DCP1A: variants seen among roughly 807,000 people sequenced by gnomAD.
DCP1A encodes the protein decapping mRNA 1A, also known as mRNA-decapping enzyme 1A.
Under a neutral mutation model 58.0 loss-of-function variants are expected in DCP1A, and 20 were observed. The observed-to-expected ratio is 0.34, with a 90% CI of 0.24 to 0.50. The LOEUF (loss-of-function observed/expected upper bound fraction) is 0.50, where lower values mean the gene tolerates loss of function less well. DCP1A is among the 20% of genes least tolerant of loss of function. The pLI, the probability that DCP1A is intolerant of heterozygous loss-of-function variation, is 0.98. For missense variants in DCP1A, 613 were observed against 712.2 expected, an observed-to-expected ratio of 0.86 and a Z score of 1.59; for synonymous variants, 285 against 275.1, an observed-to-expected ratio of 1.04 and a Z score of -0.36.
intron 3 of DCP1A, 87 bp from the exon 4 acceptor site, chr3:53,319,560 T>C: frequency 2.5e-6 from 2 of 788,990 alleles, no homozygotes; most frequent in Non-Finnish European, 2.1e-6. Context: ...ATCATGGAAT[T>C]CACTAAATGT....
chr3:53,346,624 T>C (rs1245927079), intron 1 of DCP1A, among the ~76,000 whole-genome samples: 1 of 152,196 alleles, frequency 6.6e-6, no homozygotes, highest in African/African-American at 2.4e-5. Flanking sequence ...CAAGAATCAG[T>C]GAACACACTG....
intron 7 of DCP1A, among the ~76,000 whole-genome samples, 167 bp downstream of exon 7, chr3:53,291,902 G>T (rs1245589071): frequency 1.3e-5 from 2 of 152,198 alleles, no homozygotes; most frequent in African/African-American, 4.8e-5. Flanking sequence ...TTACTTGGTT[G>T]TTCATGATAG....
At chr3:53,330,984 A>C (rs1370141594) in intron 3 of DCP1A, among the ~76,000 whole-genome samples, 2 of 151,134 alleles carry the variant, frequency 1.3e-5, no homozygotes, top group Non-Finnish European at 2.9e-5. Context: ...TCAGCCTCCT[A>C]AGTAGCTGGG....
At chr3:53,298,075 G>A (rs1707187515) in intron 6 of DCP1A, among the ~76,000 whole-genome samples, 1 of 152,284 alleles carries the variant, frequency 6.6e-6, no homozygotes, top group Middle Eastern at 3.4e-3. Context: ...AAAATTAGCT[G>A]CACAAGGTGG....
chr3:53,320,019 T>G (rs906408311), intron 3 of DCP1A, among the ~76,000 whole-genome samples: 2 of 151,926 alleles, frequency 1.3e-5, no homozygotes, highest in Non-Finnish European at 2.9e-5. Context: ...TCCCAGCTAC[T>G]TGGGAGGCTG....
intron 6 of DCP1A, among the ~76,000 whole-genome samples, chr3:53,303,558 G>C (rs1553687634): frequency 6.6e-6 from 1 of 152,190 alleles, no homozygotes; most frequent in African/African-American, 2.4e-5. Context: ...GAGCCACTGT[G>C]CCTAGCCAAG....
chr3:53,292,384 C>A lies in DCP1A; in HGVS notation c.1068G>T (p.Leu356=). Reference sequence around the variant, plus strand: ...GGCTTAGCTCAGGGACTGGCTGGTTCAGGAGTGGAGACCTCTGTCTAGGCG... The same window carrying A: ...GGCTTAGCTCAGGGACTGGCTGGTTAAGGAGTGGAGACCTCTGTCTAGGCG... ...KTTPRQRSPL[L]NQPVPELSHA... is the part of the protein sequence containing the mutation. The change falls in exon 7 of 10, where the codon CTG becomes CTT. Residue 356 remains leucine (L), a synonymous_variant. Transcript: ENST00000610213. 6.2e-7 allele frequency: 1 copy of A among 1,613,270 alleles called. No homozygotes were observed. Among genetic ancestry groups the A allele is most frequent in the East Asian group, 2.2e-5 (1 of 44,864 alleles).
At chr3:53,323,213 C>G (rs1050162283) in intron 3 of DCP1A, among the ~76,000 whole-genome samples, 1 of 152,156 alleles carries the variant, frequency 6.6e-6, no homozygotes, top group East Asian at 1.9e-4. Flanking sequence ...CAATGAATAA[C>G]AAGTAATTTT....
At chr3:53,296,921 T>C (rs1461258676) in intron 6 of DCP1A, among the ~76,000 whole-genome samples, 2 of 152,248 alleles carry the variant, frequency 1.3e-5, no homozygotes, top group African/African-American at 4.8e-5. Context: ...TGCTGGGTCA[T>C]ATAGTAATTC....
intron 4 of DCP1A, among the ~76,000 whole-genome samples, chr3:53,315,846 C>T (rs974431964): frequency 4.0e-5 from 6 of 149,588 alleles, no homozygotes; most frequent in Non-Finnish European, 8.9e-5. Flanking sequence ...CTCCGCTTCC[C>T]GGGTTCACGC....
chr3:53,341,324 G>A (rs535872375), intron 3 of DCP1A, among the ~76,000 whole-genome samples: 4 of 151,806 alleles, frequency 2.6e-5, no homozygotes, highest in Admixed American at 6.6e-5. Flanking sequence ...GCGTGGTGGC[G>A]GGTGCCTGTA....
At chr3:53,331,725 C>T (rs2089008015) in intron 3 of DCP1A, among the ~76,000 whole-genome samples, 1 of 152,166 alleles carries the variant, frequency 6.6e-6, no homozygotes, top group Admixed American at 6.5e-5. Flanking sequence ...CCTCAGAACA[C>T]ACTTCACAGA....
intron 5 of DCP1A, among the ~76,000 whole-genome samples, chr3:53,309,150 T>C (rs974980505): frequency 6.6e-6 from 1 of 151,466 alleles, no homozygotes; most frequent in Non-Finnish European, 1.5e-5. Context: ...GGCGGGCCAA[T>C]CACGAGGTCA....
At chr3:53,326,117 T>G (rs1553690539) in intron 3 of DCP1A, among the ~76,000 whole-genome samples, 1 of 152,226 alleles carries the variant, frequency 6.6e-6, no homozygotes, top group Non-Finnish European at 1.5e-5. Context: ...CAGTTTATCA[T>G]TTAAAAATTT....
In DCP1A at chr3:53,336,887, T is replaced by C. The variant is rs533322129; in HGVS notation, c.304+5257A>G. ...ATTTATTTATTTATTTATTTATTTA[T>C]TGAGATGGAGTCTTGCTCTGTCTCC... is the stretch of plus-strand genomic sequence containing the variant. On this transcript the variant is annotated intron_variant, in intron 3 of 9. Transcript: ENST00000610213. Among the ~76,000 whole-genome samples, 387 of 145,868 alleles carry C rather than the reference T, an allele frequency of 2.7e-3. 2 individuals carry two copies. The highest frequency in any genetic ancestry group is 4.4e-3 in the Non-Finnish European group (285 of 65,460).
chr3:53,310,665 G>C (rs1291499382), intron 5 of DCP1A, among the ~76,000 whole-genome samples: 1 of 152,202 alleles, frequency 6.6e-6, no homozygotes, highest in Non-Finnish European at 1.5e-5. Flanking sequence ...GTTCTCATTT[G>C]GTTTCCTAAG....
At chr3:53,309,476 T>C (rs1707580921) in intron 5 of DCP1A, among the ~76,000 whole-genome samples, 1 of 151,664 alleles carries the variant, frequency 6.6e-6, no homozygotes, top group Non-Finnish European at 1.5e-5. Flanking sequence ...AAACAGTCTC[T>C]AGGCTGGCCA....
At chr3:53,328,119 T>G (rs1553690859) in intron 3 of DCP1A, among the ~76,000 whole-genome samples, 2 of 149,960 alleles carry the variant, frequency 1.3e-5, no homozygotes, top group East Asian at 3.9e-4. Context: ...AAACTCCGTC[T>G]CAGGAAAAAA....
chr3:53,316,801 A>C (rs1707828273), intron 4 of DCP1A, among the ~76,000 whole-genome samples: 1 of 152,030 alleles, frequency 6.6e-6, no homozygotes, highest in Admixed American at 6.6e-5. Context: ...AAATTTAAGC[A>C]ATTGTCCCTT....
Sources: gnomAD v4.1 joint callset for allele counts (sites outside exome capture counted in the v4.1 genomes callset) on GRCh38, gnomAD v4.1.1 for gene constraint, MANE v1.5 for transcripts, NCBI Gene and HGNC (gene_info 2026-07-23, HGNC 2026-07-21) for gene names.